RHBDF1: variants seen among roughly 807,000 people sequenced by gnomAD.
The protein encoded by RHBDF1 is inactive rhomboid protein 1.
RHBDF1 carries 80 observed loss-of-function variants against 98.6 expected under a neutral mutation model. The observed-to-expected ratio is 0.81, with a 90% CI of 0.68 to 0.98. The LOEUF (loss-of-function observed/expected upper bound fraction) is 0.98. RHBDF1 is among the 50% of genes least tolerant of loss of function. RHBDF1 has a pLI of 0.00. For missense variants in RHBDF1, 1,116 were observed against 1,198.3 expected (o/e 0.93, Z 1.01); for synonymous variants, 512 against 486.8 (o/e 1.05, Z -0.68).
intron 1 of RHBDF1, among the ~76,000 whole-genome samples, chr16:72,216 C>A (rs1009171827): frequency 4.6e-5 from 7 of 152,214 alleles, no homozygotes; most frequent in African/African-American, 1.7e-4. Flanking sequence ...CTGTCCCGCC[C>A]GGCCAGGCCG....
At position 61,235 on chromosome 16, in the gene RHBDF1, T is replaced by C. The variant is rs1897604371; in HGVS notation, c.1442A>G (p.Gln481Arg). The C allele has an allele frequency of 3.2e-6, 5 of 1,545,952 alleles. No homozygotes were observed. Among genetic ancestry groups the C allele is most frequent in the African/African-American group, 1.4e-5 (1 of 73,086 alleles). ...LGAKFSPCMR[Q>R]DPQVHSFIRS... ...AATGAAGCTGTGCACCTGCGGGTCC[T>C]GGCGCATGCAGGGCGAAAACTTGGC... Residue 481 changes from glutamine (Q) to arginine (R), a missense_variant, in exon 11 of 18, where the codon CAG (glutamine) becomes CGG (arginine). By Grantham distance (43) the Gln-to-Arg change is conservative. Transcript: ENST00000262316.
At chr16:64,023 G>A (rs912974584) in intron 3 of RHBDF1, 16 of 702,546 alleles carry the variant, frequency 2.3e-5, no homozygotes, top group Middle Eastern at 2.4e-4. Flanking sequence ...GGCCTTGCCC[G>A]GTTGAGTGCT....
At chr16:73,713 G>GC (rs529083714), upstream of RHBDF1, among the ~76,000 whole-genome samples, 7 of 152,170 alleles carry the variant, frequency 4.6e-5, no homozygotes, top group South Asian at 6.2e-4. Context: ...TCTACAGGGT[G>GC]CCCCCCCATG....
rs762560464 is a variant in RHBDF1, at chr16:58,434, T to C, written c.2474A>G (p.Tyr825Cys). The change falls in exon 18 of 18, where the codon TAT (tyrosine) becomes TGT (cysteine). Residue 825 changes from tyrosine to cysteine, a missense_variant. Coordinates refer to ENST00000262316, the MANE Select transcript of RHBDF1 (RefSeq NM_022450.5). ...CTCACACCACTCACAGCGGACAGGA[T>C]AGACGTAGAAGAGGACCACCAGGCC... ...LAGLVVLFYV[Y>C]PVRCEWCEFL... 12 of 1,613,838 alleles carry C rather than the reference T, an allele frequency of 7.4e-6. No homozygotes were observed. Among genetic ancestry groups the C allele is most frequent in the Non-Finnish European group, 5.9e-6 (7 of 1,180,020 alleles).
At chr16:65,065 T>C (rs1416353939) in intron 1 of RHBDF1, 26 bp from the exon 2 acceptor site, 1 of 1,485,884 alleles carries the variant, frequency 6.7e-7, no homozygotes, top group Non-Finnish European at 8.9e-7. Flanking sequence ...TGTTATTCAA[T>C]AATGACAAAG....
Position 62,607 on chromosome 16 carries a change from G to A in RHBDF1, c.884C>T (p.Ala295Val). 1 of 1,613,834 alleles carries A rather than the reference G, an allele frequency of 6.2e-7. No homozygotes were observed. Among genetic ancestry groups the A allele is most frequent in the South Asian group, 1.1e-5 (1 of 91,086 alleles). Residue 295 changes from alanine (A) to valine (V), a missense_variant, in exon 7 of 18, where the codon GCA becomes GTA. Physicochemically the swap from Ala to Val is moderately conservative, Grantham distance 64. Coordinates refer to ENST00000262316, the MANE Select transcript of RHBDF1 (RefSeq NM_022450.5). ...SEAALKDWEK[A>V]PEQADLTGGA... The stretch of plus-strand genomic sequence containing the variant: ...GCCGGTGAGGTCCGCCTGCTCCGGT[G>A]CCTTCTCCCAGTCCTTTAGCGCTGC...
upstream of RHBDF1, chr16:72,640 G>A (rs1167263441): frequency 1.3e-5 from 12 of 898,142 alleles, no homozygotes; most frequent in Non-Finnish European, 1.5e-5. Flanking sequence ...GCCCTGGAGC[G>A]AGGGGCGTGC....
intron 12 of RHBDF1, 27 bp from the exon 13 acceptor site, chr16:60,306 C>A (rs111978062): frequency 3.1e-6 from 5 of 1,613,728 alleles, no homozygotes; most frequent in Non-Finnish European, 3.4e-6. Context: ...TGTGGTCAGA[C>A]CGGCTTCGAG....
At chr16:59,878 C>G (rs1000785673) in intron 13 of RHBDF1, 52 bp from the exon 14 acceptor site, 173 of 1,612,484 alleles carry the variant, frequency 1.1e-4, no homozygotes, top group Middle Eastern at 1.6e-4. Flanking sequence ...AACCTTTGGC[C>G]CCACACCACG....
At position 60,202 on chromosome 16, in the gene RHBDF1, C is replaced by G. The variant is rs1297601291; in HGVS notation, c.1722+14G>C. 1.2e-6 allele frequency: 2 copies of G among 1,613,988 alleles called. No homozygotes were observed. The highest frequency in any genetic ancestry group is 1.1e-5 in the South Asian group (1 of 91,070). On this transcript the variant is annotated intron_variant, in intron 13 of 17. Transcript: ENST00000262316. The stretch of plus-strand genomic sequence containing the variant: ...CACGGAGGGCTCCCTAACAACCCCC[C>G]CACTGCAGCTCACCGGCCACTTGGT...
At chr16:60,981 A>G in intron 11 of RHBDF1, 139 bp downstream of exon 11, 1 of 887,286 alleles carries the variant, frequency 1.1e-6, no homozygotes, top group Non-Finnish European at 1.7e-6. Flanking sequence ...AGGAGGAATG[A>G]ATATGACAAG....
rs746482832 is a variant in RHBDF1 at position 63,730 on chromosome 16, G to A, written c.319C>T (p.Arg107Cys). 6 of 1,613,646 alleles carry A rather than the reference G, an allele frequency of 3.7e-6. No individual in the cohort carries two copies. In the East Asian group the frequency reaches 6.7e-5, roughly 18 times the overall value. Reference protein sequence around the residue: ...STQKWQRKSIRHCSQRYGKLK... With the variant: ...STQKWQRKSICHCSQRYGKLK... ...TTCCCGTAGCGCTGGCTGCAGTGAC[G>A]GATGCTCTTGCGCTGCCATTTCTGG... Residue 107 changes from arginine (R) to cysteine (C), a missense_variant, in exon 4 of 18, where the codon CGT becomes TGT. Coordinates refer to ENST00000262316, the MANE Select transcript of RHBDF1 (RefSeq NM_022450.5).
rs904599387 is a variant in RHBDF1, at chr16:72,475, G to A, written c.-25+38C>T. The stretch of plus-strand genomic sequence containing the variant: ...CCGGACGCAGCCCCGGAACCCGCCC[G>A]CCCCCGGAGCCCTGCGCTCCCGGCC... On this transcript the variant is annotated intron_variant, in intron 1 of 17. Coordinates refer to ENST00000262316, the MANE Select transcript of RHBDF1 (RefSeq NM_022450.5). The A allele has an allele frequency of 5.2e-6, 5 of 953,998 alleles. No homozygotes were observed. In the African/African-American group the frequency reaches 7.1e-5, roughly 14 times the overall value. The allele number at this position is 953,998 out of a possible 1,614,324, so 59.1% of individuals were successfully genotyped here. A position where few individuals can be genotyped will look rare whatever the true frequency, so the allele number is the denominator to read the frequency against.
upstream of RHBDF1, chr16:74,985 C>T (rs936819240): frequency 6.6e-6 from 1 of 152,512 alleles, no homozygotes; most frequent in Non-Finnish European, 1.5e-5. Flanking sequence ...TTGTTGCTCA[C>T]ACAAAGCCTG....
Position 61,911 on chromosome 16 carries a change from G to C in RHBDF1, c.1095C>G (p.Ala365=). 1 of 1,604,142 alleles carries C rather than the reference G, an allele frequency of 6.2e-7. No individual in the cohort carries two copies. The highest frequency in any genetic ancestry group is 8.5e-7 in the Non-Finnish European group (1 of 1,179,600). ...CCAGCCCATACGGCCGCTTCTCCCG[G>C]GCGAAGAGCTTGCGCACCGGCACCG... ...RIAVPVRKLF[A]REKRPYGLGM... is the part of the protein sequence containing the mutation. The change falls in exon 8 of 18, where the codon GCC becomes GCG. Residue 365 remains alanine (A), a synonymous_variant. Transcript: ENST00000262316.
chr16:62,717 G>A (rs1482463203), intron 6 of RHBDF1, 22 bp from the exon 7 acceptor site: 11 of 1,614,042 alleles, frequency 6.8e-6, no homozygotes, highest in Non-Finnish European at 9.3e-6. Flanking sequence ...CATGAGGTCA[G>A]GGTGGACACA....
Position 63,014 on chromosome 16 carries a change from C to T in RHBDF1, c.631G>A (p.Val211Met). The change falls in exon 5 of 18, where the codon GTG (valine) becomes ATG (methionine). Residue 211 changes from valine (V) to methionine (M), a missense_variant. Val to Met is a conservative substitution (Grantham distance 21, BLOSUM62 1). Transcript: ENST00000262316. ...RLPRRRKRESVAKMSFRAAAA... is the reference protein window; with the variant it reads ...RLPRRRKRESMAKMSFRAAAA... The stretch of plus-strand genomic sequence containing the variant: ...GCCGCCCGGAAGCTCATCTTGGCCA[C>T]CGACTCTCGCTTGCGCCGCCGCGGG... 1.2e-6 allele frequency: 2 copies of T among 1,612,192 alleles called. No individual in the cohort carries two copies. Among genetic ancestry groups the T allele is most frequent in the East Asian group, 2.2e-5 (1 of 44,872 alleles).
chr16:61,289 C>T lies in RHBDF1; in HGVS notation c.1396-8G>A, dbSNP rs1567113537. ...CAGGTGGATGAGGGCCTCCTGCGGG[C>T]GAGGGAGACGAGCGGCCGCAGTCCG... is the stretch of plus-strand genomic sequence containing the variant. On this transcript the variant is annotated splice_region_variant and splice_polypyrimidine_tract_variant and intron_variant, in intron 10 of 17. Transcript: ENST00000262316. 1.3e-6 allele frequency: 2 copies of T among 1,542,274 alleles called. No homozygotes were observed. The highest frequency in any genetic ancestry group is 2.0e-5 in the Admixed American group (1 of 50,466).
At chr16:72,090 G>A (rs1399864997) in intron 1 of RHBDF1, among the ~76,000 whole-genome samples, 1 of 152,258 alleles carries the variant, frequency 6.6e-6, no homozygotes, top group Non-Finnish European at 1.5e-5. Context: ...ACCACCCGCC[G>A]GTCGTGGCCG....
Sources: allele counts gnomAD v4.1 joint callset (sites outside exome capture counted in the v4.1 genomes callset), GRCh38; gene constraint gnomAD v4.1.1; transcripts MANE v1.5; gene names NCBI Gene and HGNC (gene_info 2026-07-23, HGNC 2026-07-21).